NTPCR: variants seen among roughly 807,000 people sequenced by gnomAD.
NTPCR encodes nucleoside-triphosphatase, cancer-related, also known as cancer-related nucleoside-triphosphatase.
A neutral mutation model predicts 19.5 loss-of-function variants in NTPCR; 15 were observed. That is an observed-to-expected ratio of 0.77 (90% CI 0.51 to 1.18). The LOEUF (loss-of-function observed/expected upper bound fraction) is 1.18. Ranked by LOEUF, NTPCR falls within the 50% of genes most tolerant of loss-of-function variation. The probability of loss-of-function intolerance (pLI) is 0.00; values close to 1 mark genes in which losing one functional copy is unlikely to be tolerated. For missense variants in NTPCR, 206 were observed against 240.4 expected, an observed-to-expected ratio of 0.86 and a Z score of 0.95; for synonymous variants, 90 against 95.8, an observed-to-expected ratio of 0.94 and a Z score of 0.36.
intron 3 of NTPCR, chr1:232,963,725 T>C (rs538819177): frequency 1.3e-5 from 2 of 152,288 alleles, no homozygotes; most frequent in Non-Finnish European, 1.5e-5. Context: ...GATAAAATTT[T>C]ACTCTTAGAG....
At chr1:232,956,474 A>T (rs1440357199) in intron 3 of NTPCR, 31 bp downstream of exon 3, 2 of 1,432,626 alleles carry the variant, frequency 1.4e-6, no homozygotes, top group South Asian at 2.3e-5. Flanking sequence ...TTTTGAACCC[A>T]TCTGCTCTTA....
intron 3 of NTPCR, among the ~76,000 whole-genome samples, chr1:232,961,264 T>A (rs1436366036): frequency 6.6e-6 from 1 of 152,226 alleles, no homozygotes; most frequent in Non-Finnish European, 1.5e-5. Context: ...TCTCTAGCCA[T>A]GATTGTTTCC....
intron 4 of NTPCR, 133 bp downstream of exon 4, chr1:232,970,251 T>C (rs1023231037): frequency 4.2e-6 from 3 of 709,612 alleles, no homozygotes; most frequent in African/African-American, 1.8e-5. Flanking sequence ...GTGAGTCTAA[T>C]TTTCTAGAAA....
At chr1:232,957,141 G>A (rs1668533966) in intron 3 of NTPCR, among the ~76,000 whole-genome samples, 1 of 152,210 alleles carries the variant, frequency 6.6e-6, no homozygotes, top group African/African-American at 2.4e-5. Flanking sequence ...ATTCACAAAA[G>A]ATATGGTCTG....
intron 3 of NTPCR, chr1:232,962,409 T>C (rs1425996547): frequency 6.6e-6 from 1 of 152,256 alleles, no homozygotes; most frequent in Non-Finnish European, 1.5e-5. Flanking sequence ...CATAGGGCTC[T>C]CCTATTTTCT....
chr1:232,955,699 G>A lies in NTPCR; in HGVS notation c.177G>A (p.Arg59=), dbSNP rs781523590. Residue 59 remains arginine (R), a synonymous_variant, in exon 2 of 5, where the codon CGG becomes CGA. Transcript: ENST00000366628. The stretch of plus-strand genomic sequence containing the variant: ...ATGTCGTCACGTTGTCCGGCACCCG[G>A]GGGCCTTTATCGAGAGTTGGGTACT... The part of the protein sequence containing the change: ...GFDVVTLSGT[R]GPLSRVGLEP... 6.2e-7 allele frequency: 1 copy of A among 1,613,952 alleles called. No homozygotes were observed.
intron 3 of NTPCR, chr1:232,966,627 G>A (rs891675456): frequency 3.3e-5 from 5 of 152,208 alleles, no homozygotes; most frequent in Non-Finnish European, 7.3e-5. Context: ...AGCAAACTAG[G>A]TGAGTGTAAC....
At position 232,980,737 on chromosome 1, in the gene NTPCR, G is replaced by A. The variant is rs1669261284; in HGVS notation, c.*2506G>A. 6.8e-6 allele frequency: 1 copy of A among 146,590 alleles called. No homozygotes were observed. Among genetic ancestry groups the A allele is most frequent in the South Asian group, 2.1e-4 (1 of 4,726 alleles). The allele number at this position is 146,590 out of a possible 1,614,324, so 9.1% of individuals were successfully genotyped here. A position where few individuals can be genotyped will look rare whatever the true frequency, so the allele number is the denominator to read the frequency against. ...GCTGAGATTTAAAGGAAGAAGAGGT[G>A]CCGTGGCAGAACTCCACGTGACCGT... On this transcript the variant is annotated 3_prime_UTR_variant, in exon 5 of 5. Coordinates refer to ENST00000366628, the MANE Select transcript of NTPCR (RefSeq NM_032324.3).
intron 3 of NTPCR, chr1:232,969,395 A>T (rs758544774): frequency 6.4e-6 from 1 of 155,262 alleles, no homozygotes; most frequent in Non-Finnish European, 1.4e-5. Flanking sequence ...CAAGCATGGG[A>T]GCCTTTGTTG....
At chr1:232,955,483 T>C in intron 1 of NTPCR, 74 bp from the exon 2 acceptor site, 1 of 1,259,230 alleles carries the variant, frequency 7.9e-7, no homozygotes, top group South Asian at 1.6e-5. Context: ...AGTCCACAAG[T>C]GCTGTGTGTG....
chr1:232,973,929 G>A (rs1263577884), intron 4 of NTPCR, among the ~76,000 whole-genome samples: 1 of 152,156 alleles, frequency 6.6e-6, no homozygotes, highest in Non-Finnish European at 1.5e-5. Flanking sequence ...TGGGACCTGT[G>A]GGACTATAAC....
intron 3 of NTPCR, among the ~76,000 whole-genome samples, chr1:232,957,862 C>G (rs1668555751): frequency 6.6e-6 from 1 of 152,048 alleles, no homozygotes; most frequent in Non-Finnish European, 1.5e-5. Flanking sequence ...ACCAAGGGAC[C>G]AGGAAAGAGT....
chr1:232,959,120 C>T (rs1021309975), intron 3 of NTPCR, among the ~76,000 whole-genome samples: 2 of 152,166 alleles, frequency 1.3e-5, no homozygotes, highest in Admixed American at 6.5e-5. Flanking sequence ...CCACCCAAAT[C>T]TCATCTTGAA....
chr1:232,972,548 C>T (rs1306778427), intron 4 of NTPCR, among the ~76,000 whole-genome samples: 1 of 152,158 alleles, frequency 6.6e-6, no homozygotes, highest in East Asian at 1.9e-4. Context: ...ACCTCAGCCT[C>T]CCAAAAAGCT....
chr1:232,956,256 A>G (rs1182419230), intron 2 of NTPCR, 91 bp from the exon 3 acceptor site: 2 of 829,058 alleles, frequency 2.4e-6, no homozygotes, highest in African/African-American at 1.7e-5. Flanking sequence ...GATTTAGCAT[A>G]TGTGGAATGC....
At chr1:232,953,186 C>G (rs1012669167) in intron 1 of NTPCR, among the ~76,000 whole-genome samples, 1 of 152,146 alleles carries the variant, frequency 6.6e-6, no homozygotes, top group Non-Finnish European at 1.5e-5. Context: ...CCCTGCCAGT[C>G]CATCATGTTG....
intron 4 of NTPCR, among the ~76,000 whole-genome samples, chr1:232,973,415 G>T (rs1301939640): frequency 6.6e-6 from 1 of 152,196 alleles, no homozygotes; most frequent in Non-Finnish European, 1.5e-5. Context: ...TGCTAAGGAT[G>T]TTATTTATAA....
chr1:232,966,568 CT>C (rs1668821275), intron 3 of NTPCR: 1 of 152,150 alleles, frequency 6.6e-6, no homozygotes, highest in African/African-American at 2.4e-5. Flanking sequence ...ATTTTCAGGT[CT>C]CTGATATAAC....
intron 1 of NTPCR, chr1:232,951,019 A>G (rs941202453): frequency 2.2e-6 from 1 of 456,708 alleles, no homozygotes; most frequent in South Asian, 3.5e-5. Context: ...GGCCAGCGGC[A>G]GCGGTAACTC....
Sources: allele counts gnomAD v4.1 joint callset (sites outside exome capture counted in the v4.1 genomes callset), GRCh38; gene constraint gnomAD v4.1.1; transcripts MANE v1.5; gene names NCBI Gene and HGNC (gene_info 2026-07-23, HGNC 2026-07-21).